LRGUK: variants seen among roughly 807,000 people sequenced by gnomAD.
LRGUK encodes leucine rich repeats and guanylate kinase domain containing.
Under a neutral mutation model 76.0 loss-of-function variants are expected in LRGUK, and 65 were observed. The ratio of observed to expected loss-of-function variants is 0.85; its 90% confidence interval spans 0.70 to 1.05. The LOEUF (loss-of-function observed/expected upper bound fraction) is 1.05, where lower values mean the gene tolerates loss of function less well. Ranked by LOEUF, LRGUK falls within the 50% of genes least tolerant of loss-of-function variation. The pLI is 0.00. For synonymous variants in LRGUK, 268 were observed against 265.6 expected, an observed-to-expected ratio of 1.01 and a Z score of -0.09; for missense variants, 758 against 732.8, an observed-to-expected ratio of 1.03 and a Z score of -0.40.
At chr7:134,225,411 T>C (rs946840528) in intron 16 of LRGUK, among the ~76,000 whole-genome samples, 1 of 152,122 alleles carries the variant, frequency 6.6e-6, no homozygotes, top group Non-Finnish European at 1.5e-5. Context: ...ATCCACAGCA[T>C]CTAGAACCCA....
chr7:134,162,211 C>T (rs1478844578), intron 6 of LRGUK, among the ~76,000 whole-genome samples: 1 of 152,156 alleles, frequency 6.6e-6, no homozygotes, highest in Non-Finnish European at 1.5e-5. Flanking sequence ...GAGCCAGGCT[C>T]AGCTGGGAGG....
downstream of LRGUK, among the ~76,000 whole-genome samples, chr7:134,212,274 A>C (rs1801303640): frequency 6.6e-6 from 1 of 152,172 alleles, no homozygotes; most frequent in South Asian, 2.1e-4. Flanking sequence ...TGGACACTAT[A>C]CTCCACCCAA....
In LRGUK at chr7:134,221,098, A is replaced by G. The variant is rs145566620; in HGVS notation, c.1844-681A>G. ...TATGTTATATATTAGTATTTTTTTCATCTTTGGGTGGGGGTAGCTTTCCAC... is the reference window on the plus strand; with the variant it reads ...TATGTTATATATTAGTATTTTTTTCGTCTTTGGGTGGGGGTAGCTTTCCAC... On this transcript the variant is annotated intron_variant, in intron 15 of 19. Coordinates refer to the LRGUK transcript ENST00000285928. Among the ~76,000 whole-genome samples, 423 of 152,106 alleles carry G rather than the reference A, an allele frequency of 2.8e-3. 2 individuals are homozygous for G. The highest frequency in any genetic ancestry group is 9.5e-3 in the African/African-American group (393 of 41,508).
At chr7:134,256,727 A>C (rs1802593659) in intron 18 of LRGUK, among the ~76,000 whole-genome samples, 1 of 152,132 alleles carries the variant, frequency 6.6e-6, no homozygotes, top group South Asian at 2.1e-4. Context: ...GTCTTAACTA[A>C]AATGGCACTT....
intron 10 of LRGUK, among the ~76,000 whole-genome samples, chr7:134,179,417 C>T (rs75445668): frequency 0.012 from 1,774 of 152,246 alleles, 24 homozygotes; most frequent in African/African-American, 0.035. Flanking sequence ...TGCTCCTGTA[C>T]TTCACATGGC....
intron 16 of LRGUK, among the ~76,000 whole-genome samples, chr7:134,228,115 G>A (rs557058507): frequency 6.6e-6 from 1 of 152,180 alleles, no homozygotes; most frequent in Admixed American, 6.5e-5. Context: ...CAGTCATAGG[G>A]GATAAAATTA....
chr7:134,180,744 T>C (rs1265852568), intron 10 of LRGUK, among the ~76,000 whole-genome samples: 1 of 152,190 alleles, frequency 6.6e-6, no homozygotes, highest in Non-Finnish European at 1.5e-5. Flanking sequence ...AAAATATATG[T>C]AACAAAATTT....
At chr7:134,140,825 G>A (rs1348817543) in intron 3 of LRGUK, among the ~76,000 whole-genome samples, 2 of 152,048 alleles carry the variant, frequency 1.3e-5, no homozygotes, top group African/African-American at 4.8e-5. Flanking sequence ...GCTTTATTAT[G>A]GAAAATTACA....
chr7:134,222,872 A>G (rs1386412921), intron 16 of LRGUK, among the ~76,000 whole-genome samples: 1 of 152,132 alleles, frequency 6.6e-6, no homozygotes, highest in Non-Finnish European at 1.5e-5. Flanking sequence ...TGCTGGGATT[A>G]CAGGTGTGAG....
intron 4 of LRGUK, among the ~76,000 whole-genome samples, chr7:134,145,781 A>G (rs899021495): frequency 3.3e-5 from 5 of 152,178 alleles, no homozygotes; most frequent in South Asian, 2.1e-4. Flanking sequence ...TTCATTTAAT[A>G]TCTATGAGCC....
rs1585437921 is a variant in LRGUK at position 134,148,628 on chromosome 7, A to C, written c.670+309A>C. 2.0e-5 allele frequency among the ~76,000 whole-genome samples: 3 copies of C among 152,286 alleles called. No homozygotes were observed. The South Asian group carries it at 6.2e-4, about 32-fold the overall frequency. ...AGAACCAGAGAAGAAGTTCTGTTGTAATTAACTCCTTTCTCAGTCGGGTGC... is the reference window on the plus strand; with the variant it reads ...AGAACCAGAGAAGAAGTTCTGTTGTCATTAACTCCTTTCTCAGTCGGGTGC... On this transcript the variant is annotated intron_variant, in intron 5 of 15. Coordinates refer to ENST00000645682, the Ensembl canonical transcript of LRGUK.
intron 15 of LRGUK, among the ~76,000 whole-genome samples, chr7:134,218,253 T>TG (rs1274797341): frequency 6.6e-6 from 1 of 152,048 alleles, no homozygotes; most frequent in Non-Finnish European, 1.5e-5. Flanking sequence ...CCCATTTGAG[T>TG]GGGGAAAAAA....
chr7:134,209,611 A>G (rs1040249892), exon 16 of LRGUK: 1 of 398,994 alleles, frequency 2.5e-6, no homozygotes, highest in Non-Finnish European at 4.4e-6. Flanking sequence ...CCAAACTCCT[A>G]TCGCCCAGCA....
At chr7:134,173,777 A>G (rs957687839) in intron 7 of LRGUK, among the ~76,000 whole-genome samples, 2 of 152,182 alleles carry the variant, frequency 1.3e-5, no homozygotes, top group Non-Finnish European at 2.9e-5. Flanking sequence ...ACCTTGAAAT[A>G]ATTCTCTGTT....
chr7:134,270,066 C>T, the LRGUK span, among the ~76,000 whole-genome samples: 1 of 152,220 alleles, frequency 6.6e-6, no homozygotes, highest in South Asian at 2.1e-4. Context: ...ACTCATTTAA[C>T]ATAGGACTAG....
At chr7:134,188,595 A>G (rs1022697239) in intron 11 of LRGUK, among the ~76,000 whole-genome samples, 2 of 152,114 alleles carry the variant, frequency 1.3e-5, no homozygotes, top group African/African-American at 4.8e-5. Flanking sequence ...TGATACTTAG[A>G]TACAGTATGT....
chr7:134,135,343 T>C (rs1334377875), intron 1 of LRGUK, among the ~76,000 whole-genome samples: 1 of 152,228 alleles, frequency 6.6e-6, no homozygotes, highest in Non-Finnish European at 1.5e-5. Flanking sequence ...CTTCCTTGTT[T>C]GATGAAACCA....
intron 7 of LRGUK, among the ~76,000 whole-genome samples, chr7:134,170,050 T>C (rs997594290): frequency 2.6e-5 from 4 of 152,070 alleles, no homozygotes; most frequent in African/African-American, 9.7e-5. Flanking sequence ...GTCACTCTGG[T>C]AGAGAAAAAC....
chr7:134,197,733 A>G (rs1381087557), intron 13 of LRGUK, among the ~76,000 whole-genome samples: 1 of 152,198 alleles, frequency 6.6e-6, no homozygotes, highest in Non-Finnish European at 1.5e-5. Flanking sequence ...TCTTCCCCCA[A>G]CAATGATCTA....
Sources: gnomAD v4.1 joint callset for allele counts (sites outside exome capture counted in the v4.1 genomes callset) on GRCh38, gnomAD v4.1.1 for gene constraint, MANE v1.5 for transcripts, NCBI Gene and HGNC (gene_info 2026-07-23, HGNC 2026-07-21) for gene names.